The following FANCA variants were observed in gnomAD, a reference collection of about 807,000 sequenced individuals.
FANCA encodes Fanconi anemia group A protein.
A neutral mutation model predicts 194.3 loss-of-function variants in FANCA; 236 were observed. That is an observed-to-expected ratio of 1.21 (90% CI 1.09 to 1.35). The LOEUF is 1.35. Ranked by LOEUF, FANCA falls within the 40% of genes most tolerant of loss-of-function variation. FANCA has a pLI of 0.00. For synonymous variants in FANCA, 1,014 were observed against 715.8 expected, an observed-to-expected ratio of 1.42 and a Z score of -6.65; for missense variants, 2,628 against 1,813.9, an observed-to-expected ratio of 1.45 and a Z score of -8.15.
intron 31 of FANCA, among the ~76,000 whole-genome samples, 174 bp from the exon 32 acceptor site, chr16:89,750,076 G>T (rs1431994656): frequency 6.6e-6 from 1 of 152,232 alleles, no homozygotes; most frequent in Non-Finnish European, 1.5e-5. Context: ...ATATAGAACA[G>T]TGCAGGCCGG....
chr16:89,800,443 G>A (rs1177957341), intron 8 of FANCA, among the ~76,000 whole-genome samples: 1 of 152,146 alleles, frequency 6.6e-6, no homozygotes, highest in Non-Finnish European at 1.5e-5. Flanking sequence ...ACTGGCTCAG[G>A]AACCTCCAAA....
intron 20 of FANCA, chr16:89,778,239 G>C (rs2039579120): frequency 5.5e-6 from 1 of 182,684 alleles, no homozygotes; most frequent in Non-Finnish European, 1.1e-5. Flanking sequence ...GAGGTGGGTA[G>C]ATCATCTTCT....
At chr16:89,797,708 A>T (rs1383087224) in intron 10 of FANCA, among the ~76,000 whole-genome samples, 2 of 152,164 alleles carry the variant, frequency 1.3e-5, no homozygotes, top group African/African-American at 4.8e-5. Flanking sequence ...GTGAAACCCC[A>T]TGTCTACTTA....
At chr16:89,779,300 C>T (rs569655566) in intron 18 of FANCA, among the ~76,000 whole-genome samples, 1 of 152,248 alleles carries the variant, frequency 6.6e-6, no homozygotes, top group East Asian at 1.9e-4. Flanking sequence ...GGGCAATTTC[C>T]TTGGAGCTAA....
rs1371293077 is a variant in FANCA at position 89,761,970 on chromosome 16, T to C, written c.2831A>G (p.Asp944Gly). 2 of 1,614,068 alleles carry C rather than the reference T, an allele frequency of 1.2e-6. No homozygotes were observed. The highest frequency in any genetic ancestry group is 1.7e-6 in the Non-Finnish European group (2 of 1,179,950). The part of the protein sequence containing the change: ...HLELEIQPEA[D>G]ALSDTERQDF... ...TTACCGTTCAGTATCTGAAAGAGCA[T>C]CAGCTTCAGGTTGAATTTCCAGCTC... Residue 944 changes from aspartate (D) to glycine (G), a missense_variant, in exon 29 of 43, where the codon GAT (aspartate) becomes GGT (glycine). By Grantham distance (94) the Asp-to-Gly change is moderately conservative (BLOSUM62 -1). Transcript: ENST00000389301.
rs772122405 is a variant in FANCA at position 89,738,901 on chromosome 16, C to T, written c.4241G>A (p.Ser1414Asn). Residue 1414 changes from serine to asparagine, a missense_variant, in exon 42 of 43, where the codon AGC (serine) becomes AAC (asparagine). Ser to Asn is a conservative substitution (Grantham distance 46). Coordinates refer to ENST00000389301, the MANE Select transcript of FANCA (RefSeq NM_000135.4). ...LQLIPRCPKK[S>N]FSHVAELLAD... ...CGTTACCTCTGCCACGTGTGAGAAG[C>T]TCTTTTTCGGGCACCGAGGTATTAA... 20 of 1,614,154 alleles carry T rather than the reference C, an allele frequency of 1.2e-5. No individual in the cohort carries two copies. The highest frequency in any genetic ancestry group is 1.4e-5 in the Non-Finnish European group (17 of 1,180,064).
At chr16:89,799,133 G>A (rs2040351833) in intron 10 of FANCA, 33 bp downstream of exon 10, 1 of 1,614,162 alleles carries the variant, frequency 6.2e-7, no homozygotes, top group Non-Finnish European at 8.5e-7. Flanking sequence ...CCTCCCTGCT[G>A]CACACTCAGG....
intron 26 of FANCA, among the ~76,000 whole-genome samples, chr16:89,768,753 G>A: frequency 6.6e-6 from 1 of 152,024 alleles, no homozygotes; most frequent in East Asian, 1.9e-4. Flanking sequence ...TAGCATCTGA[G>A]ACCGAGTTCA....
At chr16:89,799,316 A>G in intron 9 of FANCA, 84 bp from the exon 10 acceptor site, 1 of 1,517,914 alleles carries the variant, frequency 6.6e-7, no homozygotes, top group Non-Finnish European at 9.1e-7. Context: ...CTTTCAGACA[A>G]CAGATCCACT....
chr16:89,772,520 A>G (rs1018988307), intron 22 of FANCA, among the ~76,000 whole-genome samples: 1 of 151,596 alleles, frequency 6.6e-6, no homozygotes, highest in Non-Finnish European at 1.5e-5. Context: ...AAATATATAT[A>G]TATCACCTCC....
Position 89,795,999 on chromosome 16 carries a change from G to C in FANCA, c.913C>G (p.His305Asp). The C allele has an allele frequency of 6.2e-7, 1 of 1,614,008 alleles. No individual in the cohort carries two copies. The highest frequency in any genetic ancestry group is 8.5e-7 in the Non-Finnish European group (1 of 1,179,872). Residue 305 changes from histidine to aspartate, a missense_variant, in exon 11 of 43, where the codon CAC (histidine) becomes GAC (aspartate). Coordinates refer to ENST00000389301, the MANE Select transcript of FANCA (RefSeq NM_000135.4). ...VRCWFGVFSG[H>D]TLGSVISTDP... Reference sequence around the variant, plus strand: ...GTGGAAATTACACTGCCAAGCGTGTGTCCACTGAACACTCCGAACCTGCCA... The same window carrying C: ...GTGGAAATTACACTGCCAAGCGTGTCTCCACTGAACACTCCGAACCTGCCA...
At chr16:89,755,242 ACT>A (rs1321364620) in intron 30 of FANCA, among the ~76,000 whole-genome samples, 1 of 149,460 alleles carries the variant, frequency 6.7e-6, no homozygotes, top group Non-Finnish European at 1.5e-5. Flanking sequence ...ACAGTCTCTC[ACT>A]CTGTCGCCCA....
chr16:89,808,422 T>A, intron 5 of FANCA, 55 bp from the exon 6 acceptor site: 7 of 1,553,272 alleles, frequency 4.5e-6, no homozygotes, highest in Non-Finnish European at 6.2e-6. Context: ...CCCAGCATTC[T>A]GAGTCCTTTA....
At chr16:89,747,548 A>G (rs1205812976) in intron 33 of FANCA, among the ~76,000 whole-genome samples, 1 of 151,838 alleles carries the variant, frequency 6.6e-6, no homozygotes, top group Non-Finnish European at 1.5e-5. Context: ...AAAATACAAA[A>G]CTTAGCCGGT....
chr16:89,777,511 A>T (rs1394365018), intron 20 of FANCA, among the ~76,000 whole-genome samples: 1 of 151,644 alleles, frequency 6.6e-6, no homozygotes, highest in Non-Finnish European at 1.5e-5. Context: ...GGATCACAAG[A>T]TCAGGAGTTT....
intron 2 of FANCA, 87 bp downstream of exon 2, chr16:89,815,790 G>A: frequency 9.1e-7 from 1 of 1,100,432 alleles, no homozygotes; most frequent in Non-Finnish European, 1.4e-6. Context: ...GCCGCCTCGG[G>A]TGTTTTCTTA....
At chr16:89,743,525 CAAAT>C (rs1414510853) in intron 36 of FANCA, among the ~76,000 whole-genome samples, 2 of 150,060 alleles carry the variant, frequency 1.3e-5, no homozygotes, top group South Asian at 2.1e-4. Context: ...GACTCAATCT[CAAAT>C]AAACAAAAAC....
In FANCA at chr16:89,738,384, GC is replaced by G; in HGVS notation, c.*216del. Reference sequence around the variant, plus strand: ...GTGCTGGAGGCGGGCTTGGTGTCCGGCTCAAGTAGCCTTCCTCTGCTCTGGG... The same window carrying G: ...GTGCTGGAGGCGGGCTTGGTGTCCGGTCAAGTAGCCTTCCTCTGCTCTGGG... On this transcript the variant is annotated 3_prime_UTR_variant, in exon 43 of 43. Coordinates refer to ENST00000389301, the MANE Select transcript of FANCA (RefSeq NM_000135.4). 7.1e-7 allele frequency: 1 copy of G among 1,403,946 alleles called. No individual in the cohort carries two copies. The highest frequency in any genetic ancestry group is 2.5e-4 in the Middle Eastern group (1 of 3,968). 87.0% of individuals were successfully genotyped at this position (1,403,946 alleles called of 1,614,324 possible). A position where few individuals can be genotyped will look rare whatever the true frequency, so the allele number is the denominator to read the frequency against.
At position 89,738,685 on chromosome 16, in the gene FANCA, G is replaced by A. The variant is rs367630825; in HGVS notation, c.4284C>T (p.Cys1428=). The part of the protein sequence containing the change: ...VAELLADRGD[C]DPEVSAALQS... ...GGAGGGCGGCGCTCACCTCTGGGTC[G>A]CAGTCCCCACGATCAGCCAGCAGCT... Residue 1428 remains cysteine, a synonymous_variant, in exon 43 of 43, where the codon TGC becomes TGT. Coordinates refer to ENST00000389301, the MANE Select transcript of FANCA (RefSeq NM_000135.4). The A allele has an allele frequency of 4.8e-5, 78 of 1,613,900 alleles. No homozygotes were observed. Among genetic ancestry groups the A allele is most frequent in the South Asian group, 9.9e-5 (9 of 91,084 alleles).
Sources: gnomAD v4.1 joint callset for allele counts (sites outside exome capture counted in the v4.1 genomes callset) on GRCh38, gnomAD v4.1.1 for gene constraint, MANE v1.5 for transcripts, NCBI Gene and HGNC (gene_info 2026-07-23, HGNC 2026-07-21) for gene names.